STAU2: variants seen among roughly 807,000 people sequenced by gnomAD.
STAU2 encodes the protein double-stranded RNA-binding protein Staufen homolog 2.
STAU2 carries 20 observed loss-of-function variants against 65.9 expected under a neutral mutation model. The observed-to-expected ratio is 0.30, with a 90% CI of 0.21 to 0.44. The LOEUF is 0.44. STAU2 is among the 20% of genes least tolerant of loss of function. STAU2 has a pLI of 1.00. For synonymous variants in STAU2, 232 were observed against 233.9 expected (o/e 0.99, Z 0.07); for missense variants, 558 against 683.9 (o/e 0.82, Z 2.05).
At chr8:73,683,301 T>G (rs778348466) in intron 5 of STAU2, among the ~76,000 whole-genome samples, 1 of 152,114 alleles carries the variant, frequency 6.6e-6, no homozygotes, top group Admixed American at 6.6e-5. Flanking sequence ...GATGCAGGGA[T>G]AGTTTAACGT....
At chr8:73,618,640 T>G (rs908919726) in intron 6 of STAU2, among the ~76,000 whole-genome samples, 3 of 152,218 alleles carry the variant, frequency 2.0e-5, no homozygotes, top group Non-Finnish European at 4.4e-5. Context: ...AAAATCTGAC[T>G]TATCTCTTGG....
chr8:73,481,022 T>C (rs1820583432), intron 13 of STAU2, among the ~76,000 whole-genome samples: 1 of 152,058 alleles, frequency 6.6e-6, no homozygotes, highest in Non-Finnish European at 1.5e-5. Flanking sequence ...AGAATACATA[T>C]ATGCTGTTTT....
chr8:73,547,929 C>T (rs1807051977), intron 13 of STAU2, among the ~76,000 whole-genome samples: 1 of 151,688 alleles, frequency 6.6e-6, no homozygotes, highest in South Asian at 2.1e-4. Flanking sequence ...CACAAAAAAG[C>T]AATATGGTAT....
At chr8:73,581,413 C>T (rs562907396) in intron 12 of STAU2, among the ~76,000 whole-genome samples, 6 of 152,206 alleles carry the variant, frequency 3.9e-5, no homozygotes, top group East Asian at 1.9e-4. Flanking sequence ...ATTTCTGGCA[C>T]GCCTACATAG....
intron 3 of STAU2, among the ~76,000 whole-genome samples, chr8:73,735,707 C>T (rs978799247): frequency 6.6e-6 from 1 of 152,138 alleles, no homozygotes; most frequent in Non-Finnish European, 1.5e-5. Context: ...GCACTGTGTA[C>T]GATTTCTAGC....
In STAU2 at chr8:73,627,212, GGGGGGGGGGGA is replaced by G. The variant is rs1462136154; in HGVS notation, c.411-9772_411-9762del. ...AGTGATGCTGCAGGAATACGGCGGG[GGGGGGGGGGGA>G]GGGGGGGGCAGGAGGGCGGGTTCCC... On this transcript the variant is annotated intron_variant, in intron 6 of 14. Transcript: ENST00000524300. Among the ~76,000 whole-genome samples the G allele has an allele frequency of 2.9e-3, 130 of 45,602 alleles. 21 individuals carry two copies. In the East Asian group the frequency reaches 0.07, roughly 25 times the overall value. The allele number at this position is 45,602 out of a possible 152,430, so 29.9% of individuals were successfully genotyped here. A position where few individuals can be genotyped will look rare whatever the true frequency, so the allele number is the denominator to read the frequency against.
intron 6 of STAU2, among the ~76,000 whole-genome samples, chr8:73,661,112 G>A (rs1001241756): frequency 2.0e-5 from 3 of 152,070 alleles, no homozygotes; most frequent in African/African-American, 7.2e-5. Flanking sequence ...TAACTTACAG[G>A]TGAATTAACC....
At chr8:73,609,129 C>T (rs796275693) in intron 9 of STAU2, among the ~76,000 whole-genome samples, 1 of 151,990 alleles carries the variant, frequency 6.6e-6, no homozygotes, top group South Asian at 2.1e-4. Context: ...CTGTGAAATA[C>T]TAAGTGGGGA....
At chr8:73,642,124 T>G (rs1212562968) in intron 6 of STAU2, among the ~76,000 whole-genome samples, 1 of 152,212 alleles carries the variant, frequency 6.6e-6, no homozygotes, top group Non-Finnish European at 1.5e-5. Flanking sequence ...GTTTTGGTTT[T>G]GTTTCTATTT....
chr8:73,666,457 T>C (rs1164143099), intron 6 of STAU2, among the ~76,000 whole-genome samples: 1 of 152,222 alleles, frequency 6.6e-6, no homozygotes, highest in East Asian at 1.9e-4. Context: ...CACAGATTTA[T>C]TTCACAGGGG....
intron 12 of STAU2, among the ~76,000 whole-genome samples, chr8:73,557,813 T>C (rs1007821288): frequency 3.3e-5 from 5 of 152,238 alleles, no homozygotes; most frequent in Non-Finnish European, 7.3e-5. Context: ...GAAGAGGTCC[T>C]GAACCCATTC....
At chr8:73,619,520 G>T (rs988010432) in intron 6 of STAU2, among the ~76,000 whole-genome samples, 1 of 152,192 alleles carries the variant, frequency 6.6e-6, no homozygotes, top group Non-Finnish European at 1.5e-5. Context: ...AGATAAACTG[G>T]ATAGAGCGCA....
chr8:73,571,792 G>C (rs916879870), intron 12 of STAU2, among the ~76,000 whole-genome samples: 5 of 152,266 alleles, frequency 3.3e-5, no homozygotes, highest in African/African-American at 1.2e-4. Context: ...ACAAGAGAAA[G>C]CAGGAAAGAT....
chr8:73,480,127 A>G (rs1241287462), intron 13 of STAU2, among the ~76,000 whole-genome samples: 1 of 152,110 alleles, frequency 6.6e-6, no homozygotes, highest in African/African-American at 2.4e-5. Flanking sequence ...GCAGTCAAAG[A>G]CTAATATAAT....
In STAU2 at chr8:73,545,711, A is replaced by G. The variant is rs182694336; in HGVS notation, c.1530+6301T>C. Among the ~76,000 whole-genome samples the G allele has an allele frequency of 3.2e-3, 483 of 151,260 alleles. 2 individuals are homozygous for G. Among genetic ancestry groups the G allele is most frequent in the Non-Finnish European group, 5.1e-3 (344 of 67,878 alleles). On this transcript the variant is annotated intron_variant, in intron 13 of 14. Coordinates refer to ENST00000524300, the MANE Select transcript of STAU2 (RefSeq NM_001164380.2). ...CGCCCAGGCTGGAGTCCAGTGGTGC[A>G]ATCTTGGCTCACTGCAAGCTCCGCC...
At chr8:73,429,331 G>A (rs1451087414) in intron 13 of STAU2, among the ~76,000 whole-genome samples, 1 of 141,476 alleles carries the variant, frequency 7.1e-6, no homozygotes, top group South Asian at 2.4e-4. Flanking sequence ...GAGGCTCAGA[G>A]AATTCAGTAA....
intron 5 of STAU2, among the ~76,000 whole-genome samples, chr8:73,687,770 G>A (rs1819036835): frequency 6.6e-6 from 1 of 151,742 alleles, no homozygotes; most frequent in Admixed American, 6.6e-5. Context: ...GGAGTGCAGT[G>A]GCACGATCTT....
intron 11 of STAU2, 63 bp from the exon 12 acceptor site, chr8:73,582,893 A>AG: frequency 1.3e-6 from 2 of 1,521,230 alleles, no homozygotes; most frequent in Non-Finnish European, 1.8e-6. Flanking sequence ...GAAAAAAAAA[A>AG]AGGTGACCAA....
intron 13 of STAU2, among the ~76,000 whole-genome samples, chr8:73,427,876 T>C (rs1054224218): frequency 2.6e-4 from 40 of 152,398 alleles, no homozygotes; most frequent in African/African-American, 9.6e-4. Context: ...TGGCATAAAT[T>C]CTGAAATTTA....
Sources: allele counts gnomAD v4.1 joint callset (sites outside exome capture counted in the v4.1 genomes callset), GRCh38; gene constraint gnomAD v4.1.1; transcripts MANE v1.5; gene names NCBI Gene and HGNC (gene_info 2026-07-23, HGNC 2026-07-21).